The following TFIP11 variants were observed in gnomAD, a reference collection of about 807,000 sequenced individuals.
The protein encoded by TFIP11 is tuftelin interacting protein 11, also known as tuftelin-interacting protein 11.
Under a neutral mutation model 96.8 loss-of-function variants are expected in TFIP11, and 86 were observed. The ratio of observed to expected loss-of-function variants is 0.89; its 90% CI spans 0.75 to 1.06. The LOEUF is 1.06. TFIP11 is among the 50% of genes least tolerant of loss of function. TFIP11 has a pLI of 0.00. For synonymous variants in TFIP11, 405 were observed against 395.2 expected (o/e 1.02, Z -0.29); for missense variants, 881 against 1,076.7 (o/e 0.82, Z 2.54).
At chr22:26,504,874 G>A (rs191428749) in intron 6 of TFIP11, among the ~76,000 whole-genome samples, 4 of 152,092 alleles carry the variant, frequency 2.6e-5, no homozygotes, top group South Asian at 2.1e-4. Context: ...TCAGGAGTTC[G>A]AGACCAGCCT....
intron 6 of TFIP11, 120 bp downstream of exon 6, chr22:26,506,183 C>A: frequency 8.8e-7 from 1 of 1,134,500 alleles, no homozygotes; most frequent in Non-Finnish European, 1.2e-6. Flanking sequence ...CTTGTGCTGG[C>A]AAACCAGGCT....
rs759190048 is a variant in TFIP11 at position 26,492,100 on chromosome 22, G to A, written c.2427C>T (p.Ile809=). The A allele has an allele frequency of 6.2e-7, 1 of 1,614,102 alleles. No individual in the cohort carries two copies. Among genetic ancestry groups the A allele is most frequent in the Non-Finnish European group, 8.5e-7 (1 of 1,179,984 alleles). ...CAAAGACCACTCCCCGGTCGATGTA[G>A]ATCACAATGCGGCCAAAGGTGTAGA... The part of the protein sequence containing the change: ...KQLYTFGRIV[I]YIDRGVVFVQ... Residue 809 remains isoleucine (I), a synonymous_variant, in exon 15 of 15, where the codon ATC becomes ATT. Coordinates refer to ENST00000407690, the MANE Select transcript of TFIP11 (RefSeq NM_012143.4).
Position 26,492,249 on chromosome 22 carries a change from T to G in TFIP11, c.2278A>C (p.Arg760=), listed in dbSNP as rs750291699. Residue 760 remains arginine (R), a synonymous_variant, in exon 15 of 15, where the codon AGG becomes CGG. Coordinates refer to ENST00000407690, the MANE Select transcript of TFIP11 (RefSeq NM_012143.4). The part of the protein sequence containing the change: ...ERREAENMAQ[R]GIGVAASSVP... ...GAGCTAGCGGCCACGCCAATGCCCC[T>G]CTGAGCCATGTTCTCAGCCTCCCGC... 66 of 1,614,072 alleles carry G rather than the reference T, an allele frequency of 4.1e-5. No homozygotes were observed. Among genetic ancestry groups the G allele is most frequent in the Middle Eastern group, 3.3e-4 (2 of 6,084 alleles).
chr22:26,505,751 C>T (rs1005480591), intron 6 of TFIP11, among the ~76,000 whole-genome samples: 7 of 91,142 alleles, frequency 7.7e-5, no homozygotes, highest in South Asian at 5.2e-4. Context: ...GATGGAGTCT[C>T]GCTCTGTTGC....
intron 12 of TFIP11, among the ~76,000 whole-genome samples, chr22:26,495,551 T>C (rs1921857119): frequency 1.3e-5 from 1 of 78,068 alleles, no homozygotes; most frequent in African/African-American, 3.8e-5. Context: ...AATATATATG[T>C]GTATATATAT....
In TFIP11 at chr22:26,494,901, G is replaced by C. The variant is rs769669754; in HGVS notation, c.1888C>G (p.Gln630Glu). 1.2e-6 allele frequency: 2 copies of C among 1,614,236 alleles called. No homozygotes were observed. The highest frequency in any genetic ancestry group is 3.3e-5 in the Admixed American group (2 of 60,036). The change falls in exon 13 of 15, where the codon CAG becomes GAG. Residue 630 changes from glutamine (Q) to glutamate (E), a missense_variant. Transcript: ENST00000407690. ...LGELVINPHQQHMDAFYWVID... is the reference protein window; with the variant it reads ...LGELVINPHQEHMDAFYWVID... ...ACCCAATAGAATGCATCCATGTGCT[G>C]CTGGTGGGGGTTAATGACTAGCTCA... is the stretch of plus-strand genomic sequence containing the variant.
intron 4 of TFIP11, among the ~76,000 whole-genome samples, chr22:26,509,863 A>G (rs1282285583): frequency 6.6e-6 from 1 of 152,162 alleles, no homozygotes; most frequent in Non-Finnish European, 1.5e-5. Flanking sequence ...CTCAAAAAAA[A>G]TAATAATAAA....
Position 26,494,939 on chromosome 22 carries a change from C to A in TFIP11, c.1850G>T (p.Gly617Val). 6.2e-7 allele frequency: 1 copy of A among 1,614,168 alleles called. No individual in the cohort carries two copies. The highest frequency in any genetic ancestry group is 8.5e-7 in the Non-Finnish European group (1 of 1,180,016). Residue 617 changes from glycine to valine, a missense_variant and splice_region_variant, in exon 13 of 15, where the codon GGG becomes GTG. Coordinates refer to ENST00000407690, the MANE Select transcript of TFIP11 (RefSeq NM_012143.4). ...AATGACTAGCTCACCAAGACACATCCCTGGAAGAGAAACCCGGTCTGTAAG... is the reference window on the plus strand; with the variant it reads ...AATGACTAGCTCACCAAGACACATCACTGGAAGAGAAACCCGGTCTGTAAG... ...FMVKNIVPKLGMCLGELVINP... is the reference protein window; with the variant it reads ...FMVKNIVPKLVMCLGELVINP...
rs542105795 is a variant in TFIP11, at chr22:26,498,757, T to A, written c.1436+112A>T. Reference sequence around the variant, plus strand: ...TTAAATTCCTAAAGCACTGTCAGCATGAGCAGAGAATTAATCAAGGCCAGC... The same window carrying A: ...TTAAATTCCTAAAGCACTGTCAGCAAGAGCAGAGAATTAATCAAGGCCAGC... On this transcript the variant is annotated intron_variant, in intron 10 of 14. Coordinates refer to ENST00000407690, the MANE Select transcript of TFIP11 (RefSeq NM_012143.4). 39 of 787,572 alleles carry A rather than the reference T, an allele frequency of 5.0e-5. No homozygotes were observed. In the African/African-American group the frequency reaches 6.1e-4, roughly 12 times the overall value. The allele number at this position is 787,572 out of a possible 1,614,324, so 48.8% of individuals were successfully genotyped here.
Position 26,510,114 on chromosome 22 carries a change from C to A in TFIP11, c.159G>T (p.Val53=). 6.2e-7 allele frequency: 1 copy of A among 1,614,154 alleles called. No homozygotes were observed. The highest frequency in any genetic ancestry group is 8.5e-7 in the Non-Finnish European group (1 of 1,180,040). ...WQTKEEATYG[V]WAERDSDDER... ...CATCATCCGAGTCTCGCTCTGCCCA[C>A]ACCCCGTAGGTGGCTTCTTCCTTGG... The change falls in exon 4 of 15, where the codon GTG becomes GTT. Residue 53 remains valine, a synonymous_variant. Transcript: ENST00000407690.
At chr22:26,507,607 G>A (rs1216246238) in intron 4 of TFIP11, among the ~76,000 whole-genome samples, 3 of 146,424 alleles carry the variant, frequency 2.0e-5, no homozygotes, top group Non-Finnish European at 4.5e-5. Flanking sequence ...CCCAGCCTGG[G>A]CAAAAGAGTG....
intron 4 of TFIP11, among the ~76,000 whole-genome samples, chr22:26,507,886 G>A (rs895876600): frequency 2.0e-5 from 3 of 152,248 alleles, no homozygotes; most frequent in African/African-American, 4.8e-5. Context: ...ACTTTGGGAG[G>A]CTTGAGGCCA....
chr22:26,495,635 C>T (rs9613190), intron 12 of TFIP11, among the ~76,000 whole-genome samples: 1 of 18,652 alleles, frequency 5.4e-5, no homozygotes, highest in Non-Finnish European at 1.7e-4. Context: ...TGTGTATATA[C>T]ATGTGTATAT....
chr22:26,493,626 C>T (rs1921512184), intron 14 of TFIP11: 1 of 158,168 alleles, frequency 6.3e-6, no homozygotes. Context: ...AGTGAACTGC[C>T]TGTTTTTGAC....
Position 26,496,082 on chromosome 22 carries a change from GCA to G in TFIP11, c.1838_1839del (p.Val613AlafsTer9). The G allele has an allele frequency of 1.9e-6, 3 of 1,613,598 alleles. No individual in the cohort carries two copies. The highest frequency in any genetic ancestry group is 2.5e-6 in the Non-Finnish European group (3 of 1,179,964). On this transcript the variant is annotated frameshift_variant, in exon 12 of 15. Transcript: ENST00000407690. LOFTEE classifies it high-confidence loss of function. ...SWEAFMVKNI[V>X]PKLGMCLGEL... ...TTCCCCTTATCCTTACCCAGCTTGG[GCA>G]CTATGTTTTTGACCATGAATGCTTC... is the stretch of plus-strand genomic sequence containing the variant.
At chr22:26,496,575 G>T in intron 11 of TFIP11, 146 bp downstream of exon 11, 1 of 1,135,854 alleles carries the variant, frequency 8.8e-7, no homozygotes, top group Non-Finnish European at 1.2e-6. Context: ...TGAGAAAAAG[G>T]CTGGAATTAA....
rs1042956255 is a variant in TFIP11 at position 26,512,460 on chromosome 22, C to T, written c.-239G>A. On this transcript the variant is annotated 5_prime_UTR_variant, in exon 1 of 15. Transcript: ENST00000407690. The stretch of plus-strand genomic sequence containing the variant: ...GCGCGAGAAGACGCCGCTCCTACAC[C>T]AGAACCCGGAAGCACCGTGGCCGGC... 1 of 152,348 alleles carries T rather than the reference C, an allele frequency of 6.6e-6. No individual in the cohort carries two copies. Among genetic ancestry groups the T allele is most frequent in the African/African-American group, 2.4e-5 (1 of 41,464 alleles). The allele number at this position is 152,348 out of a possible 1,614,324, so 9.4% of individuals were successfully genotyped here.
rs2147113706 is a variant in TFIP11, at chr22:26,491,740, T to C, written c.*273A>G. On this transcript the variant is annotated 3_prime_UTR_variant, in exon 15 of 15. Coordinates refer to ENST00000407690, the MANE Select transcript of TFIP11 (RefSeq NM_012143.4). ...CACCAGAGACTAAAGGGAAGGCTGC[T>C]ATGGAGGAACTACAGAGAACTCCTT... 1.4e-6 allele frequency: 2 copies of C among 1,425,008 alleles called. No homozygotes were observed. Among genetic ancestry groups the C allele is most frequent in the Non-Finnish European group, 1.9e-6 (2 of 1,036,286 alleles). The allele number at this position is 1,425,008 out of a possible 1,614,324, so 88.3% of individuals were successfully genotyped here.
intron 14 of TFIP11, 24 bp from the exon 15 acceptor site, chr22:26,492,392 G>A (rs367942266): frequency 1.2e-6 from 2 of 1,605,034 alleles, no homozygotes; most frequent in Non-Finnish European, 1.7e-6. Flanking sequence ...GGACAGGGCG[G>A]TGAGGAGAGG....
Sources: allele counts gnomAD v4.1 joint callset (sites outside exome capture counted in the v4.1 genomes callset), GRCh38; gene constraint gnomAD v4.1.1; transcripts MANE v1.5; gene names NCBI Gene and HGNC (gene_info 2026-07-23, HGNC 2026-07-21).